The following CEP112 variants were observed in gnomAD, a reference collection of about 807,000 sequenced individuals.
CEP112 encodes the protein centrosomal protein of 112 kDa.
In CEP112, 127 loss-of-function variants were observed where a neutral mutation model predicts 153.0. The ratio of observed to expected loss-of-function variants is 0.83; its 90% CI spans 0.72 to 0.96. The LOEUF is 0.96. Ranked by LOEUF, CEP112 falls within the 40% of genes least tolerant of loss-of-function variation. CEP112 has a pLI of 0.00. For missense variants in CEP112, 1,089 were observed against 1,101.2 expected, an observed-to-expected ratio of 0.99 and a Z score of 0.16; for synonymous variants, 358 against 374.4, an observed-to-expected ratio of 0.96 and a Z score of 0.51.
chr17:65,946,767 T>C (rs1008471789), intron 18 of CEP112, among the ~76,000 whole-genome samples: 1 of 152,158 alleles, frequency 6.6e-6, no homozygotes, highest in Non-Finnish European at 1.5e-5. Flanking sequence ...ATTATGGTGA[T>C]TCTATAGATT....
At chr17:65,828,215 GTTC>G (rs1251742748) in intron 21 of CEP112, among the ~76,000 whole-genome samples, 2 of 152,174 alleles carry the variant, frequency 1.3e-5, no homozygotes, top group African/African-American at 2.4e-5. Flanking sequence ...CCCAGTACCT[GTTC>G]TTCATTTCTT....
At chr17:65,767,887 C>T (rs2053087984) in intron 21 of CEP112, among the ~76,000 whole-genome samples, 1 of 151,858 alleles carries the variant, frequency 6.6e-6, no homozygotes, top group African/African-American at 2.4e-5. Context: ...TTAAAATCTC[C>T]CCAAGAAAGA....
Position 66,102,796 on chromosome 17 carries a change from C to CAA in CEP112, c.643-6166_643-6165dup, listed in dbSNP as rs11416184. Among the ~76,000 whole-genome samples, 382 of 99,508 alleles carry CAA rather than the reference C, an allele frequency of 3.8e-3. 3 individuals carry two copies. Among genetic ancestry groups the CAA allele is most frequent in the African/African-American group, 0.012 (295 of 24,120 alleles). The allele number at this position is 99,508 out of a possible 152,430, so 65.3% of individuals were successfully genotyped here. ...TGGGTAACAGAGCGAGACTCCATCT[C>CAA]AAAAAAAAAAAAAAAAGAATTAAAA... On this transcript the variant is annotated intron_variant, in intron 6 of 26. Transcript: ENST00000535342.
intron 23 of CEP112, among the ~76,000 whole-genome samples, chr17:65,728,211 G>A (rs2050292327): frequency 6.6e-6 from 1 of 152,194 alleles, no homozygotes; most frequent in Admixed American, 6.5e-5. Flanking sequence ...AAGGAAAATT[G>A]TTGGTCAATC....
intron 18 of CEP112, among the ~76,000 whole-genome samples, chr17:65,956,325 G>C (rs561862861): frequency 6.6e-6 from 1 of 151,670 alleles, no homozygotes; most frequent in South Asian, 2.1e-4. Context: ...AGCACAATTT[G>C]TAATTGCAAA....
intron 17 of CEP112, among the ~76,000 whole-genome samples, chr17:65,978,500 TCA>T (rs2063117889): frequency 6.6e-6 from 1 of 152,252 alleles, no homozygotes; most frequent in Non-Finnish European, 1.5e-5. Context: ...TCTATGAACC[TCA>T]GTTTCTTCCT....
intron 6 of CEP112, among the ~76,000 whole-genome samples, chr17:66,127,017 A>C (rs891222567): frequency 6.6e-6 from 1 of 152,208 alleles, no homozygotes; most frequent in African/African-American, 2.4e-5. Context: ...ATTTAAAGAG[A>C]TATTGCTCAG....
At chr17:65,771,936 TG>T (rs2145520752) in intron 21 of CEP112, among the ~76,000 whole-genome samples, 1 of 152,076 alleles carries the variant, frequency 6.6e-6, no homozygotes, top group East Asian at 1.9e-4. Context: ...GTGGGAGGGT[TG>T]CTTGAGCCCA....
At chr17:66,120,679 T>C (rs1409649402) in intron 6 of CEP112, among the ~76,000 whole-genome samples, 3 of 152,188 alleles carry the variant, frequency 2.0e-5, no homozygotes, top group Non-Finnish European at 4.4e-5. Flanking sequence ...TTATTATACT[T>C]TGAGTATCTA....
At chr17:66,098,589 G>C (rs2068440230) in intron 6 of CEP112, among the ~76,000 whole-genome samples, 2 of 152,056 alleles carry the variant, frequency 1.3e-5, no homozygotes, top group Non-Finnish European at 2.9e-5. Context: ...AACTTAAAAG[G>C]AATATAGCAA....
rs563739580 is a variant in CEP112, at chr17:65,743,006, A to G, written c.2607+62T>C. On this transcript the variant is annotated intron_variant, in intron 23 of 26. Coordinates refer to ENST00000535342, the MANE Select transcript of CEP112 (RefSeq NM_001199165.4). Reference sequence around the variant, plus strand: ...TTCATCTGCCCACTGCTGGGATTTCAGCCCTCCTTTTAATTACATTAAAGC... The same window carrying G: ...TTCATCTGCCCACTGCTGGGATTTCGGCCCTCCTTTTAATTACATTAAAGC... 1.4e-5 allele frequency: 19 copies of G among 1,380,816 alleles called. No homozygotes were observed. In the African/African-American group the frequency reaches 2.6e-4, roughly 19 times the overall value. The allele number at this position is 1,380,816 out of a possible 1,614,324, so 85.5% of individuals were successfully genotyped here. A position where few individuals can be genotyped will look rare whatever the true frequency, so the allele number is the denominator to read the frequency against.
chr17:65,840,146 G>A (rs1205509963), intron 21 of CEP112, among the ~76,000 whole-genome samples: 1 of 152,010 alleles, frequency 6.6e-6, no homozygotes, highest in East Asian at 1.9e-4. Context: ...ATTCTTCAGA[G>A]AAATATAAAA....
At chr17:65,716,323 A>AT (rs985260336) in intron 23 of CEP112, among the ~76,000 whole-genome samples, 19 of 151,182 alleles carry the variant, frequency 1.3e-4, no homozygotes, top group Middle Eastern at 3.4e-3. Context: ...TGCCAGGCTA[A>AT]TTTTTTTTTG....
At chr17:65,970,203 CAT>C (rs2062624830) in intron 17 of CEP112, among the ~76,000 whole-genome samples, 1 of 151,598 alleles carries the variant, frequency 6.6e-6, no homozygotes. Flanking sequence ...ATGCTGCATG[CAT>C]GTCATGCATG....
intron 21 of CEP112, among the ~76,000 whole-genome samples, chr17:65,831,513 C>T (rs111564774): frequency 3.3e-5 from 5 of 150,298 alleles, no homozygotes; most frequent in South Asian, 4.2e-4. Flanking sequence ...GCCAAGATCG[C>T]GCCACTGCAC....
Position 66,192,115 on chromosome 17 carries a change from C to G in CEP112, c.-127G>C, listed in dbSNP as rs1378646748. 1.3e-5 allele frequency: 2 copies of G among 153,066 alleles called. No homozygotes were observed. Among genetic ancestry groups the G allele is most frequent in the Non-Finnish European group, 2.9e-5 (2 of 68,092 alleles). 9.5% of individuals were successfully genotyped at this position (153,066 alleles called of 1,614,324 possible). A position where few individuals can be genotyped will look rare whatever the true frequency, so the allele number is the denominator to read the frequency against. Reference sequence around the variant, plus strand: ...CCGCTGGGTCGCCGCCGCCCAGCAGCCCGGGGGCGGGGACTTTCGCGCTCG... The same window carrying G: ...CCGCTGGGTCGCCGCCGCCCAGCAGGCCGGGGGCGGGGACTTTCGCGCTCG... On this transcript the variant is annotated 5_prime_UTR_variant, in exon 1 of 27. Coordinates refer to ENST00000535342, the MANE Select transcript of CEP112 (RefSeq NM_001199165.4).
intron 24 of CEP112, among the ~76,000 whole-genome samples, chr17:65,651,532 T>C (rs1345978981): frequency 6.6e-6 from 1 of 152,190 alleles, no homozygotes; most frequent in East Asian, 1.9e-4. Flanking sequence ...TCCATAGTGG[T>C]TGTACTAGTT....
intron 7 of CEP112, 29 bp from the exon 8 acceptor site, chr17:66,096,357 T>C (rs560048867): frequency 7.5e-6 from 12 of 1,595,430 alleles, no homozygotes; most frequent in Middle Eastern, 1.7e-4. Context: ...TTATTTAACA[T>C]GTTTTCAGAT....
intron 1 of CEP112, among the ~76,000 whole-genome samples, chr17:66,190,870 C>T (rs9902706): frequency 0.058 from 8,856 of 152,278 alleles, 273 homozygotes; most frequent in East Asian, 0.072. Context: ...ATATCACACT[C>T]CTTGCCAAAC....
Sources: gnomAD v4.1 joint callset for allele counts (sites outside exome capture counted in the v4.1 genomes callset) on GRCh38, gnomAD v4.1.1 for gene constraint, MANE v1.5 for transcripts, NCBI Gene and HGNC (gene_info 2026-07-23, HGNC 2026-07-21) for gene names.